Variants in MALRD1 observed in about 807,000 individuals in gnomAD.
MALRD1 encodes MAM and LDL-receptor class A domain-containing protein 1.
Under a neutral mutation model 242.1 loss-of-function variants are expected in MALRD1, and 247 were observed. The observed-to-expected ratio is 1.02, with a 90% CI of 0.92 to 1.13. MALRD1 has a LOEUF of 1.13. Among genes scored for constraint, MALRD1 ranks in the 50% most tolerant of loss-of-function variants. The pLI is 0.00. For missense variants in MALRD1, 2,989 were observed against 2,533.1 expected, an observed-to-expected ratio of 1.18 and a Z score of -3.86; for synonymous variants, 995 against 866.6, an observed-to-expected ratio of 1.15 and a Z score of -2.60.
In MALRD1 at chr10:19,315,083, TAGAA is replaced by T. The variant is rs1460085285; in HGVS notation, c.3420-8864_3420-8861del. On this transcript the variant is annotated intron_variant, in intron 21 of 39. Transcript: ENST00000454679. ...TATATAAATATGTAAATATAATTTA[TAGAA>T]ATATGTAAATATAATTTATAGAAAT... 2.4e-3 allele frequency among the ~76,000 whole-genome samples: 339 copies of T among 140,514 alleles called. 9 individuals are homozygous for T. Among genetic ancestry groups the T allele is most frequent in the African/African-American group, 7.2e-3 (279 of 39,012 alleles). 92.2% of individuals were successfully genotyped at this position (140,514 alleles called of 152,430 possible).
intron 2 of MALRD1, among the ~76,000 whole-genome samples, chr10:19,085,097 T>A (rs1394067392): frequency 6.6e-6 from 1 of 151,770 alleles, no homozygotes; most frequent in Non-Finnish European, 1.5e-5. Context: ...GTACAAGAGG[T>A]TTATAGAGAG....
intron 26 of MALRD1, among the ~76,000 whole-genome samples, chr10:19,381,585 C>T (rs1409895258): frequency 1.3e-5 from 2 of 150,906 alleles, no homozygotes; most frequent in African/African-American, 2.4e-5. Flanking sequence ...CCCAGCACAA[C>T]GGGAGGCCAA....
chr10:19,670,093 AAC>A (rs763927834), intron 36 of MALRD1, among the ~76,000 whole-genome samples: 5 of 115,138 alleles, frequency 4.3e-5, no homozygotes, highest in South Asian at 3.2e-4. Context: ...CACACACACA[AAC>A]ACACACACAC....
At chr10:19,690,384 C>T (rs747754224) in intron 36 of MALRD1, among the ~76,000 whole-genome samples, 9 of 152,048 alleles carry the variant, frequency 5.9e-5, no homozygotes, top group South Asian at 2.1e-4. Flanking sequence ...GAAGGAAGAT[C>T]CCTATGAAGA....
At chr10:19,087,602 A>G (rs1238063888) in intron 2 of MALRD1, among the ~76,000 whole-genome samples, 1 of 151,814 alleles carries the variant, frequency 6.6e-6, no homozygotes, top group East Asian at 1.9e-4. Flanking sequence ...TCTATGGGGT[A>G]CATGAGATGT....
chr10:19,412,128 G>A (rs781755453), intron 28 of MALRD1, among the ~76,000 whole-genome samples: 10 of 151,962 alleles, frequency 6.6e-5, no homozygotes, highest in African/African-American at 9.7e-5. Context: ...GTGAAACCCT[G>A]TCTCTACTAA....
intron 18 of MALRD1, among the ~76,000 whole-genome samples, chr10:19,215,424 C>T (rs1037945118): frequency 6.6e-6 from 1 of 152,184 alleles, no homozygotes; most frequent in Non-Finnish European, 1.5e-5. Flanking sequence ...TTTTTCCTTG[C>T]AAATTGATAT....
intron 32 of MALRD1, among the ~76,000 whole-genome samples, chr10:19,562,057 G>A (rs1835991834): frequency 6.6e-6 from 1 of 152,160 alleles, no homozygotes; most frequent in African/African-American, 2.4e-5. Context: ...CAGCACTTTG[G>A]CAGGCCAAGG....
intron 32 of MALRD1, among the ~76,000 whole-genome samples, chr10:19,558,269 G>C (rs570209508): frequency 9.5e-4 from 145 of 152,056 alleles, no homozygotes; most frequent in African/African-American, 3.4e-3. Flanking sequence ...AGGACTTCCA[G>C]TATGATGTTA....
chr10:19,153,398 T>C (rs1489857026), intron 11 of MALRD1, among the ~76,000 whole-genome samples: 1 of 152,174 alleles, frequency 6.6e-6, no homozygotes, highest in Non-Finnish European at 1.5e-5. Context: ...TCTCAAATAA[T>C]GTTGCAAATA....
At chr10:19,546,503 C>T (rs2131391487) in intron 32 of MALRD1, among the ~76,000 whole-genome samples, 1 of 152,326 alleles carries the variant, frequency 6.6e-6, no homozygotes, top group East Asian at 1.9e-4. Flanking sequence ...CTGGAATCAG[C>T]AACTCCTAAC....
intron 26 of MALRD1, among the ~76,000 whole-genome samples, chr10:19,361,821 A>T (rs1844908664): frequency 6.6e-6 from 1 of 152,040 alleles, no homozygotes; most frequent in African/African-American, 2.4e-5. Flanking sequence ...GGTGATTTAG[A>T]TCATCTGCAT....
chr10:19,656,186 C>T (rs1345468184), intron 36 of MALRD1, among the ~76,000 whole-genome samples: 1 of 152,074 alleles, frequency 6.6e-6, no homozygotes, highest in African/African-American at 2.4e-5. Context: ...AGCAGAGTAT[C>T]TGATATCTTA....
In MALRD1 at chr10:19,178,447, A is replaced by G. The variant is rs1007176826; in HGVS notation, c.1951+3119A>G. 6.6e-5 allele frequency among the ~76,000 whole-genome samples: 10 copies of G among 152,284 alleles called. No homozygotes were observed. In the East Asian group the frequency reaches 1.9e-3, roughly 29 times the overall value. Reference sequence around the variant, plus strand: ...TAAATTGTTATATGTATGGAGCAGAATGGCCAAAGGTTTACCCAGACTACC... The same window carrying G: ...TAAATTGTTATATGTATGGAGCAGAGTGGCCAAAGGTTTACCCAGACTACC... On this transcript the variant is annotated intron_variant, in intron 14 of 39. Transcript: ENST00000454679.
intron 26 of MALRD1, among the ~76,000 whole-genome samples, chr10:19,367,159 T>C (rs1377952357): frequency 6.6e-6 from 1 of 152,128 alleles, no homozygotes. Flanking sequence ...AACTGTAATA[T>C]ATTATTGTTA....
chr10:19,049,423 G>A (rs948607810), intron 1 of MALRD1, among the ~76,000 whole-genome samples: 5 of 152,290 alleles, frequency 3.3e-5, no homozygotes, highest in African/African-American at 7.2e-5. Context: ...TTAATGTTAC[G>A]TGAGTGAAAC....
At chr10:19,274,389 G>T (rs1463555964) in intron 19 of MALRD1, among the ~76,000 whole-genome samples, 2 of 152,168 alleles carry the variant, frequency 1.3e-5, no homozygotes, top group Non-Finnish European at 2.9e-5. Context: ...AACCCCCAAC[G>T]TGATGGTATT....
chr10:19,650,025 T>G (rs984989764), intron 36 of MALRD1, among the ~76,000 whole-genome samples: 2 of 152,020 alleles, frequency 1.3e-5, no homozygotes, highest in African/African-American at 4.8e-5. Context: ...CTCAAAGAAT[T>G]AAAGGAAAGT....
chr10:19,296,234 A>T (rs919133449), intron 21 of MALRD1, among the ~76,000 whole-genome samples: 1 of 152,144 alleles, frequency 6.6e-6, no homozygotes, highest in Non-Finnish European at 1.5e-5. Flanking sequence ...CTTTTTGGAT[A>T]TGTGCTCACC....
Sources: gnomAD v4.1 joint callset for allele counts (sites outside exome capture counted in the v4.1 genomes callset) on GRCh38, gnomAD v4.1.1 for gene constraint, MANE v1.5 for transcripts, NCBI Gene and HGNC (gene_info 2026-07-23, HGNC 2026-07-21) for gene names.